Variants in FAM20C observed in about 807,000 individuals in gnomAD.
FAM20C encodes the protein extracellular serine/threonine protein kinase FAM20C.
In FAM20C, 40 loss-of-function variants were observed where a neutral mutation model predicts 51.5. The observed-to-expected ratio is 0.78, with a 90% CI of 0.60 to 1.01. FAM20C has a LOEUF of 1.01. Among genes scored for constraint, FAM20C ranks in the 50% least tolerant of loss-of-function variants. FAM20C has a pLI of 0.00. For synonymous variants in FAM20C, 406 were observed against 380.6 expected, an observed-to-expected ratio of 1.07 and a Z score of -0.78; for missense variants, 861 against 844.7, an observed-to-expected ratio of 1.02 and a Z score of -0.24.
At chr7:204,929 G>A (rs147974224) in intron 2 of FAM20C, among the ~76,000 whole-genome samples, 11 of 152,238 alleles carry the variant, frequency 7.2e-5, no homozygotes, top group Middle Eastern at 3.4e-3. Context: ...GGGAGGGGAC[G>A]TGGCACTCTT....
intron 5 of FAM20C, among the ~76,000 whole-genome samples, chr7:250,518 C>T (rs150636755): frequency 0.017 from 2,573 of 152,298 alleles, 75 homozygotes; most frequent in African/African-American, 0.059. Context: ...TGATGGGGAA[C>T]GCATTGGCTC....
intron 2 of FAM20C, among the ~76,000 whole-genome samples, chr7:199,043 G>T (rs569955662): frequency 4.6e-5 from 7 of 152,364 alleles, no homozygotes; most frequent in African/African-American, 1.7e-4. Context: ...TCCATGTCCA[G>T]GTCCAGGTCT....
At chr7:253,149 G>A (rs1788463429) in intron 5 of FAM20C, among the ~76,000 whole-genome samples, 1 of 152,224 alleles carries the variant, frequency 6.6e-6, no homozygotes, top group African/African-American at 2.4e-5. Flanking sequence ...CAGGAGACAC[G>A]TTTCCAGCGA....
intron 2 of FAM20C, among the ~76,000 whole-genome samples, chr7:202,888 C>T (rs185173195): frequency 1.3e-5 from 2 of 152,332 alleles, no homozygotes; most frequent in Non-Finnish European, 2.9e-5. Context: ...GGACCTGTTT[C>T]CAGAAGAAGG....
At chr7:257,940 T>TAG (rs1788673125) in intron 8 of FAM20C, among the ~76,000 whole-genome samples, 18 of 129,202 alleles carry the variant, frequency 1.4e-4, no homozygotes, top group Admixed American at 8.9e-4. Context: ...GTGCTGGAGA[T>TAG]GCCCGGGGTG....
intron 2 of FAM20C, among the ~76,000 whole-genome samples, chr7:196,834 G>A (rs945900951): frequency 1.3e-5 from 2 of 152,154 alleles, no homozygotes; most frequent in Non-Finnish European, 2.9e-5. Flanking sequence ...GACAGAACTT[G>A]CAGCTCTCTC....
At position 193,713 on chromosome 7, in the gene FAM20C, G is replaced by A; in HGVS notation, c.514G>A (p.Val172Met). 2 of 1,546,708 alleles carry A rather than the reference G, an allele frequency of 1.3e-6. No homozygotes were observed. The highest frequency in any genetic ancestry group is 1.7e-6 in the Non-Finnish European group (2 of 1,145,244). ...ARLFEHPLYRVAVPPLTEEDV... is the reference protein window; with the variant it reads ...ARLFEHPLYRMAVPPLTEEDV... Reference sequence around the variant, plus strand: ...GCTGTTCGAGCACCCGCTTTACCGGGTGGCGGTTCCGCCGCTCACGGAGGA... The same window carrying A: ...GCTGTTCGAGCACCCGCTTTACCGGATGGCGGTTCCGCCGCTCACGGAGGA... The change falls in exon 1 of 10, where the codon GTG (valine) becomes ATG (methionine). Residue 172 changes from valine (V) to methionine (M), a missense_variant. Coordinates refer to ENST00000313766, the MANE Select transcript of FAM20C (RefSeq NM_020223.4).
intron 3 of FAM20C, among the ~76,000 whole-genome samples, chr7:218,983 T>C (rs1787129514): frequency 1.3e-5 from 2 of 151,990 alleles, no homozygotes; most frequent in African/African-American, 2.4e-5. Flanking sequence ...CCAAACCCAG[T>C]GGCATGGACG....
intron 3 of FAM20C, among the ~76,000 whole-genome samples, chr7:232,659 T>G (rs1367768056): frequency 1.3e-5 from 2 of 152,202 alleles, no homozygotes; most frequent in South Asian, 2.1e-4. Context: ...GTTGAAATGT[T>G]TGTTAGCAGC....
chr7:256,352 G>T (rs1046542698), intron 6 of FAM20C: 3 of 566,650 alleles, frequency 5.3e-6, no homozygotes, highest in Non-Finnish European at 9.4e-6. Flanking sequence ...TGTTCTTTCC[G>T]CCCCACGTTG....
intron 3 of FAM20C, among the ~76,000 whole-genome samples, chr7:209,596 C>T (rs576960046): frequency 9.8e-5 from 15 of 152,316 alleles, no homozygotes; most frequent in South Asian, 4.1e-4. Context: ...CCGTGGCACG[C>T]GACAGCTCGT....
chr7:210,203 G>A (rs184359210), intron 3 of FAM20C, among the ~76,000 whole-genome samples: 9,793 of 151,958 alleles, frequency 0.064, 990 homozygotes, highest in African/African-American at 0.21. Flanking sequence ...CTGCCCCCAC[G>A]GGTCTCACGG....
chr7:229,101 G>A (rs1787562539), intron 3 of FAM20C: 2 of 334,030 alleles, frequency 6.0e-6, no homozygotes, highest in South Asian at 4.6e-5. Flanking sequence ...GCAGGGAAAT[G>A]TCCCACCCAG....
intron 3 of FAM20C, among the ~76,000 whole-genome samples, chr7:218,841 C>A (rs1295117015): frequency 6.8e-6 from 1 of 147,006 alleles, no homozygotes; most frequent in Non-Finnish European, 1.5e-5. Flanking sequence ...CGGCCGGGAG[C>A]TGACACGGGC....
intron 5 of FAM20C, among the ~76,000 whole-genome samples, chr7:252,285 T>C (rs1253189613): frequency 7.8e-5 from 9 of 115,116 alleles, no homozygotes; most frequent in East Asian, 2.7e-4. Context: ...GAGCCCACTG[T>C]AGACACCCCC....
chr7:259,607 T>TC, intron 9 of FAM20C, 124 bp from the exon 10 acceptor site: 1 of 1,212,122 alleles, frequency 8.2e-7, no homozygotes, highest in Non-Finnish European at 1.1e-6. Flanking sequence ...TCTGTCTCTG[T>TC]CCCCCTCTTT....
At chr7:206,077 G>T (rs867152548) in intron 2 of FAM20C, among the ~76,000 whole-genome samples, 2 of 152,064 alleles carry the variant, frequency 1.3e-5, no homozygotes, top group Non-Finnish European at 2.9e-5. Context: ...TGGAGGAGCC[G>T]TGAGGTCCCT....
chr7:206,656 G>T (rs549458429), intron 2 of FAM20C, among the ~76,000 whole-genome samples: 1 of 143,180 alleles, frequency 7.0e-6, no homozygotes, highest in Admixed American at 7.1e-5. Flanking sequence ...CCACTGTGAC[G>T]CGTCGGTCAC....
intron 9 of FAM20C, among the ~76,000 whole-genome samples, chr7:258,924 C>T (rs1217014287): frequency 6.6e-6 from 1 of 152,208 alleles, no homozygotes; most frequent in Admixed American, 6.5e-5. Flanking sequence ...AGCTCGAGCC[C>T]CCTCGGGCCT....
Sources: gnomAD v4.1 joint callset for allele counts (sites outside exome capture counted in the v4.1 genomes callset) on GRCh38, gnomAD v4.1.1 for gene constraint, MANE v1.5 for transcripts, NCBI Gene and HGNC (gene_info 2026-07-23, HGNC 2026-07-21) for gene names.